RALA: variants seen among roughly 807,000 people sequenced by gnomAD.
RALA encodes the protein ras-related protein Ral-A.
In RALA, 5 loss-of-function variants were observed where a neutral mutation model predicts 24.0. That is an observed-to-expected ratio of 0.21 (90% confidence interval 0.11 to 0.44). The LOEUF (loss-of-function observed/expected upper bound fraction) is 0.44. Among genes scored for constraint, RALA ranks in the 20% least tolerant of loss-of-function variants. The pLI is 0.99. For synonymous variants in RALA, 77 were observed against 83.8 expected, an observed-to-expected ratio of 0.92 and a Z score of 0.44; for missense variants, 95 against 241.2, an observed-to-expected ratio of 0.39 and a Z score of 4.01.
rs1389030386 is a variant in RALA at position 39,678,033 on chromosome 7, G to T, written c.-37-8598G>T. 7.0e-5 allele frequency among the ~76,000 whole-genome samples: 10 copies of T among 143,478 alleles called. No individual in the cohort carries two copies. The Admixed American group carries it at 7.1e-4, about 10-fold the overall frequency. 94.1% of individuals were successfully genotyped at this position (143,478 alleles called of 152,430 possible). Reference sequence around the variant, plus strand: ...ACAGGAAGGGGAATATCACACTCTGGGGACTGTGGTGGGGTCGGGGGAGGG... The same window carrying T: ...ACAGGAAGGGGAATATCACACTCTGTGGACTGTGGTGGGGTCGGGGGAGGG... On this transcript the variant is annotated intron_variant, in intron 1 of 4. Coordinates refer to ENST00000005257, the MANE Select transcript of RALA (RefSeq NM_005402.4).
chr7:39,702,895 T>C (rs2115559902), intron 4 of RALA: 1 of 152,318 alleles, frequency 6.6e-6, no homozygotes, highest in South Asian at 2.1e-4. Context: ...TTATACAGAA[T>C]TACAGCTAGA....
intron 1 of RALA, among the ~76,000 whole-genome samples, chr7:39,628,655 A>G (rs1791538911): frequency 1.3e-5 from 2 of 152,176 alleles, no homozygotes; most frequent in African/African-American, 4.8e-5. Flanking sequence ...TCCCAGGTTC[A>G]AGCAATTCTC....
intron 1 of RALA, among the ~76,000 whole-genome samples, chr7:39,629,207 A>C (rs550552073): frequency 1.6e-4 from 25 of 152,308 alleles, no homozygotes; most frequent in African/African-American, 5.8e-4. Flanking sequence ...CCAGCAGTGT[A>C]TGAGAGTAGA....
intron 2 of RALA, among the ~76,000 whole-genome samples, chr7:39,689,531 AAAT>A (rs1792777733): frequency 6.6e-6 from 1 of 152,234 alleles, no homozygotes; most frequent in Admixed American, 6.5e-5. Context: ...CATAGCAAAT[AAAT>A]AAGAATGTAT....
intron 1 of RALA, among the ~76,000 whole-genome samples, chr7:39,673,083 G>T (rs189947176): frequency 6.6e-6 from 1 of 152,158 alleles, no homozygotes; most frequent in African/African-American, 2.4e-5. Flanking sequence ...AGCTACTCAG[G>T]AGGCTGAGGT....
chr7:39,666,051 T>C (rs1792282414), intron 1 of RALA, among the ~76,000 whole-genome samples: 1 of 152,182 alleles, frequency 6.6e-6, no homozygotes, highest in South Asian at 2.1e-4. Flanking sequence ...GATATTTATT[T>C]TTCCCCAAGG....
At chr7:39,655,447 A>G (rs1163509479) in intron 1 of RALA, among the ~76,000 whole-genome samples, 2 of 152,230 alleles carry the variant, frequency 1.3e-5, no homozygotes, top group African/African-American at 4.8e-5. Flanking sequence ...GAGGGATTAC[A>G]GTTGAACAGG....
At chr7:39,639,504 A>G (rs2115937500) in intron 1 of RALA, among the ~76,000 whole-genome samples, 1 of 152,306 alleles carries the variant, frequency 6.6e-6, no homozygotes, top group Middle Eastern at 3.4e-3. Flanking sequence ...GTAGTGCATT[A>G]TGGTTAAGAC....
intron 2 of RALA, among the ~76,000 whole-genome samples, chr7:39,687,532 A>T (rs1314512671): frequency 6.6e-6 from 1 of 152,230 alleles, no homozygotes; most frequent in Non-Finnish European, 1.5e-5. Context: ...ACTAAAATTT[A>T]TAATTACCAC....
intron 1 of RALA, among the ~76,000 whole-genome samples, chr7:39,665,755 A>G (rs915327952): frequency 1.3e-5 from 2 of 152,022 alleles, no homozygotes; most frequent in Admixed American, 6.6e-5. Context: ...TTTATGTTTA[A>G]GAGAAATTGC....
intron 1 of RALA, among the ~76,000 whole-genome samples, chr7:39,672,035 CATA>C (rs1792400142): frequency 6.6e-6 from 1 of 151,988 alleles, no homozygotes; most frequent in Non-Finnish European, 1.5e-5. Context: ...ATATTCAAAA[CATA>C]GTAGTTAATT....
At chr7:39,705,979 T>A in intron 4 of RALA, 144 bp from the exon 5 acceptor site, 1 of 658,936 alleles carries the variant, frequency 1.5e-6, no homozygotes, top group Non-Finnish European at 2.4e-6. Flanking sequence ...AGGCTTTAGT[T>A]TTATGCTTTC....
At chr7:39,665,733 G>A (rs527305690) in intron 1 of RALA, among the ~76,000 whole-genome samples, 35 of 151,708 alleles carry the variant, frequency 2.3e-4, no homozygotes, top group Middle Eastern at 3.4e-3. Context: ...TGCCACCCGT[G>A]AGAATTATCT....
intron 1 of RALA, among the ~76,000 whole-genome samples, chr7:39,658,242 G>A (rs985135970): frequency 3.3e-5 from 5 of 152,068 alleles, no homozygotes; most frequent in Admixed American, 2.0e-4. Flanking sequence ...TGGCATCCAT[G>A]ACTTTGCTCC....
At chr7:39,701,229 T>A (rs1793020967) in intron 4 of RALA, among the ~76,000 whole-genome samples, 1 of 152,140 alleles carries the variant, frequency 6.6e-6, no homozygotes, top group Non-Finnish European at 1.5e-5. Flanking sequence ...AAAACAATGG[T>A]TGGGGCCAGG....
rs997522508 is a variant in RALA, at chr7:39,646,479, C to G, written c.-38+22654C>G. On this transcript the variant is annotated intron_variant, in intron 1 of 4. Transcript: ENST00000005257. ...TATACAAAAAATTTTTTTAAATGAG[C>G]CAGATGTGGCAGCACACATCTGTGG... 4.0e-5 allele frequency among the ~76,000 whole-genome samples: 6 copies of G among 151,876 alleles called. No individual in the cohort carries two copies. In the East Asian group the frequency reaches 1.2e-3, roughly 30 times the overall value.
At chr7:39,699,202 G>A (rs1370732516) in intron 4 of RALA, among the ~76,000 whole-genome samples, 2 of 135,038 alleles carry the variant, frequency 1.5e-5, no homozygotes, top group Admixed American at 8.0e-5. Flanking sequence ...CTGCAGTGGC[G>A]CAATCTCGGC....
intron 1 of RALA, among the ~76,000 whole-genome samples, chr7:39,658,626 T>C (rs1253072137): frequency 6.6e-6 from 1 of 152,148 alleles, no homozygotes; most frequent in African/African-American, 2.4e-5. Context: ...CCTTGACCAG[T>C]GAATTAGGAT....
chr7:39,625,054 T>TTTAGC (rs1281881963), intron 1 of RALA, among the ~76,000 whole-genome samples: 13 of 152,228 alleles, frequency 8.5e-5, no homozygotes, highest in Non-Finnish European at 1.5e-4. Context: ...AGGAGCCATG[T>TTTAGC]CCTACTTATG....
Sources: allele counts gnomAD v4.1 joint callset (sites outside exome capture counted in the v4.1 genomes callset), GRCh38; gene constraint gnomAD v4.1.1; transcripts MANE v1.5; gene names NCBI Gene and HGNC (gene_info 2026-07-23, HGNC 2026-07-21).